Variants in KPNA6 observed in about 807,000 individuals in gnomAD.
The protein encoded by KPNA6 is karyopherin subunit alpha 6, also known as importin subunit alpha-7.
In KPNA6, 9 loss-of-function variants were observed where a neutral mutation model predicts 72.0. The ratio of observed to expected loss-of-function variants is 0.13; its 90% confidence interval spans 0.08 to 0.22. KPNA6 has a LOEUF of 0.22. Ranked by LOEUF, KPNA6 falls within the 10% of genes least tolerant of loss-of-function variation. The pLI, the probability that KPNA6 is intolerant of heterozygous loss-of-function variation, is 1.00. For missense variants in KPNA6, 374 were observed against 655.7 expected (o/e 0.57, Z 4.69); for synonymous variants, 219 against 242.1 (o/e 0.90, Z 0.89).
At chr1:32,111,014 G>A (rs1448627414) in intron 1 of KPNA6, among the ~76,000 whole-genome samples, 3 of 152,160 alleles carry the variant, frequency 2.0e-5, no homozygotes, top group Non-Finnish European at 2.9e-5. Flanking sequence ...CTGGTTTCCA[G>A]GTTTCCCTAT....
intron 12 of KPNA6, among the ~76,000 whole-genome samples, chr1:32,167,878 A>C (rs1284450606): frequency 1.3e-5 from 2 of 152,040 alleles, no homozygotes; most frequent in South Asian, 2.1e-4. Context: ...ACAAAAAAAA[A>C]CAAGCAAGCT....
rs1473666654 is a variant in KPNA6, at chr1:32,175,484, C to G, written c.*4590C>G. The G allele has an allele frequency of 6.6e-6, 1 of 152,244 alleles. No homozygotes were observed. Among genetic ancestry groups the G allele is most frequent in the Admixed American group, 6.6e-5 (1 of 15,256 alleles). The allele number at this position is 152,244 out of a possible 1,614,324, so 9.4% of individuals were successfully genotyped here. A position where few individuals can be genotyped will look rare whatever the true frequency, so the allele number is the denominator to read the frequency against. On this transcript the variant is annotated 3_prime_UTR_variant, in exon 14 of 14. Coordinates refer to ENST00000373625, the MANE Select transcript of KPNA6 (RefSeq NM_012316.5). ...TGGGAACCTCTGACTCAGAGCATGTCTTTAAAGAGTCCACATCTGGCCAGG... is the reference window on the plus strand; with the variant it reads ...TGGGAACCTCTGACTCAGAGCATGTGTTTAAAGAGTCCACATCTGGCCAGG...
chr1:32,141,075 C>T (rs1641827424), intron 1 of KPNA6, among the ~76,000 whole-genome samples: 1 of 152,034 alleles, frequency 6.6e-6, no homozygotes, highest in African/African-American at 2.4e-5. Flanking sequence ...GGTGTTAGTC[C>T]ATACATGTAC....
At chr1:32,157,054 T>A in intron 3 of KPNA6, 109 bp downstream of exon 3, 1 of 772,394 alleles carries the variant, frequency 1.3e-6, no homozygotes, top group East Asian at 2.5e-5. Context: ...CATGACAAGT[T>A]CTTTCCTCTG....
chr1:32,119,118 C>T (rs1229290021), intron 1 of KPNA6, among the ~76,000 whole-genome samples: 1 of 148,010 alleles, frequency 6.8e-6, no homozygotes, highest in Admixed American at 6.8e-5. Context: ...GCAACCTCCA[C>T]CTCCTGGGTT....
intron 1 of KPNA6, among the ~76,000 whole-genome samples, chr1:32,114,184 A>G (rs529432763): frequency 8.9e-4 from 136 of 152,234 alleles, no homozygotes; most frequent in African/African-American, 3.2e-3. Flanking sequence ...TCACACCTGT[A>G]ACCCCAGCAA....
chr1:32,110,899 TAAAC>T (rs778072273), intron 1 of KPNA6, among the ~76,000 whole-genome samples: 123 of 152,022 alleles, frequency 8.1e-4, no homozygotes, highest in Non-Finnish European at 1.4e-3. Context: ...AACAAACAAA[TAAAC>T]AAACAAAAAA....
chr1:32,118,966 A>G, intron 1 of KPNA6, among the ~76,000 whole-genome samples: 1 of 131,064 alleles, frequency 7.6e-6, no homozygotes, highest in Non-Finnish European at 1.6e-5. Context: ...GTGTCAAGCC[A>G]TATATATGTG....
At chr1:32,169,381 C>G (rs1359370498) in intron 12 of KPNA6, among the ~76,000 whole-genome samples, 1 of 150,916 alleles carries the variant, frequency 6.6e-6, no homozygotes, top group Non-Finnish European at 1.5e-5. Flanking sequence ...AAAAAAAGGA[C>G]TTGGTTGGGG....
intron 1 of KPNA6, among the ~76,000 whole-genome samples, chr1:32,146,177 A>G (rs1342573484): frequency 6.6e-6 from 1 of 152,188 alleles, no homozygotes; most frequent in Admixed American, 6.5e-5. Context: ...TGTTCTGTTC[A>G]TTATTGAACG....
chr1:32,110,088 A>T (rs1443391538), intron 1 of KPNA6, among the ~76,000 whole-genome samples: 1 of 139,972 alleles, frequency 7.1e-6, no homozygotes, highest in Non-Finnish European at 1.5e-5. Flanking sequence ...TTCTGAGAAG[A>T]AATTTCACTC....
At chr1:32,126,928 G>GT (rs1041934761) in intron 1 of KPNA6, among the ~76,000 whole-genome samples, 13 of 151,996 alleles carry the variant, frequency 8.6e-5, no homozygotes, top group Non-Finnish European at 1.9e-4. Flanking sequence ...GAAAATAATG[G>GT]TTTTTTTCTT....
intron 1 of KPNA6, among the ~76,000 whole-genome samples, chr1:32,141,507 T>G (rs1641837956): frequency 6.7e-6 from 1 of 149,440 alleles, no homozygotes; most frequent in Admixed American, 6.7e-5. Context: ...AAGCAATTCT[T>G]CTGTCTCAGC....
chr1:32,162,536 TAGA>T lies in KPNA6; in HGVS notation c.911+15_911+17del. ...GTAGAGCTGCTGATGTGAGTGGTCTTAGAAGGGGTACAGGTTCTGGCTGGGCAC... is the reference window on the plus strand; with the variant it reads ...GTAGAGCTGCTGATGTGAGTGGTCTTAGGGGTACAGGTTCTGGCTGGGCAC... On this transcript the variant is annotated intron_variant, in intron 9 of 13. Coordinates refer to ENST00000373625, the MANE Select transcript of KPNA6 (RefSeq NM_012316.5). The T allele has an allele frequency of 1.9e-6, 3 of 1,613,408 alleles. No homozygotes were observed.
intron 1 of KPNA6, among the ~76,000 whole-genome samples, chr1:32,137,755 G>A (rs529063252): frequency 1.3e-5 from 2 of 152,258 alleles, no homozygotes; most frequent in East Asian, 3.9e-4. Context: ...TGGAGTAACA[G>A]ATAAAAATCA....
chr1:32,138,399 C>G (rs573744431), intron 1 of KPNA6, among the ~76,000 whole-genome samples: 2 of 151,304 alleles, frequency 1.3e-5, no homozygotes. Context: ...CAAAATTAGC[C>G]GGGCGTGGTG....
chr1:32,138,492 G>A (rs1485089693), intron 1 of KPNA6, among the ~76,000 whole-genome samples: 2 of 146,904 alleles, frequency 1.4e-5, no homozygotes, highest in African/African-American at 5.0e-5. Flanking sequence ...GCGGTGAGCC[G>A]AGATCGCGCC....
intron 2 of KPNA6, 50 bp from the exon 3 acceptor site, chr1:32,156,803 G>A (rs1298355434): frequency 1.5e-6 from 2 of 1,366,696 alleles, no homozygotes; most frequent in South Asian, 1.2e-5. Flanking sequence ...ATTGTTCTTT[G>A]TTTTCTTTGG....
At chr1:32,123,780 A>T (rs1641480968) in intron 1 of KPNA6, among the ~76,000 whole-genome samples, 1 of 150,424 alleles carries the variant, frequency 6.6e-6, no homozygotes, top group Admixed American at 6.7e-5. Flanking sequence ...TCACGCCTGT[A>T]ATCCCAGCAC....
Sources: gnomAD v4.1 joint callset for allele counts (sites outside exome capture counted in the v4.1 genomes callset) on GRCh38, gnomAD v4.1.1 for gene constraint, MANE v1.5 for transcripts, NCBI Gene and HGNC (gene_info 2026-07-23, HGNC 2026-07-21) for gene names.